THSD7B: variants seen among roughly 807,000 people sequenced by gnomAD.
The protein encoded by THSD7B is thrombospondin type-1 domain-containing protein 7B.
THSD7B carries 138 observed loss-of-function variants against 213.6 expected under a neutral mutation model. That is an observed-to-expected ratio of 0.65 (90% confidence interval 0.56 to 0.74). THSD7B has a LOEUF of 0.74. Ranked by LOEUF, THSD7B falls within the 30% of genes least tolerant of loss-of-function variation. The pLI, the probability that THSD7B is intolerant of heterozygous loss-of-function variation, is 0.00. For missense variants in THSD7B, 1,931 were observed against 1,991.5 expected (o/e 0.97, Z 0.58); for synonymous variants, 742 against 687.0 (o/e 1.08, Z -1.25).
rs1553468988 is a variant in THSD7B at position 137,675,445 on chromosome 2, T to TGC, written c.4740-1079_4740-1078insGC. ...ATATATATATATATATATATATATA[T>TGC]ATGCGGACAGTGTGGTGAAAAGGTT... On this transcript the variant is annotated intron_variant, in intron 27 of 27. Transcript: ENST00000409968. Among the ~76,000 whole-genome samples, 618 of 114,478 alleles carry TGC rather than the reference T, an allele frequency of 5.4e-3. 10 individuals are homozygous for TGC. The highest frequency in any genetic ancestry group is 0.021 in the African/African-American group (580 of 28,140). 75.1% of individuals were successfully genotyped at this position (114,478 alleles called of 152,430 possible).
chr2:137,630,944 T>C lies in THSD7B; in HGVS notation c.3799+10218T>C, dbSNP rs112675051. On this transcript the variant is annotated intron_variant, in intron 20 of 27. Coordinates refer to ENST00000409968, the MANE Select transcript of THSD7B (RefSeq NM_001316349.2). ...CTTTTTTTCTGCATTCGCTGAGTTA[T>C]TGGGCAAAACCTGGTGTGCTAGATG... Among the ~76,000 whole-genome samples, 1,131 of 152,302 alleles carry C rather than the reference T, an allele frequency of 7.4e-3. 11 individuals carry two copies. Among genetic ancestry groups the C allele is most frequent in the African/African-American group, 0.025 (1,055 of 41,550 alleles).
At chr2:137,432,539 T>G (rs1687209220) in intron 14 of THSD7B, among the ~76,000 whole-genome samples, 1 of 152,264 alleles carries the variant, frequency 6.6e-6, no homozygotes. Flanking sequence ...CTCATATGAC[T>G]GTTTCTAGCC....
chr2:137,151,921 T>C lies in THSD7B; in HGVS notation c.1370-8292T>C, dbSNP rs1268481530. Among the ~76,000 whole-genome samples the C allele has an allele frequency of 2.0e-5, 3 of 152,146 alleles. No homozygotes were observed. The East Asian group carries it at 5.8e-4, about 29-fold the overall frequency. On this transcript the variant is annotated intron_variant, in intron 5 of 27. Coordinates refer to ENST00000409968, the MANE Select transcript of THSD7B (RefSeq NM_001316349.2). ...CAGTCCTTGAGGTGAAGTGTCATTATGTGGCACATGACTGTGTTTGTAGCT... is the reference window on the plus strand; with the variant it reads ...CAGTCCTTGAGGTGAAGTGTCATTACGTGGCACATGACTGTGTTTGTAGCT...
intron 15 of THSD7B, among the ~76,000 whole-genome samples, chr2:137,518,951 G>A (rs369632975): frequency 3.3e-5 from 5 of 152,132 alleles, no homozygotes; most frequent in Admixed American, 1.3e-4. Context: ...TGTCCTCACT[G>A]GAAAAGGGGA....
At chr2:137,546,695 C>T (rs1055784406) in intron 15 of THSD7B, among the ~76,000 whole-genome samples, 4 of 148,912 alleles carry the variant, frequency 2.7e-5, no homozygotes, top group Non-Finnish European at 5.9e-5. Flanking sequence ...TGTACATACG[C>T]GTGTATTTAT....
Position 137,312,291 on chromosome 2 carries a change from C to T in THSD7B, c.2500+36265C>T, listed in dbSNP as rs1335123999. ...TCTTCTAGATTTTCTAGTTTATTTG[C>T]GTAGAGGTGTTTATAGTATTCTCTG... On this transcript the variant is annotated intron_variant, in intron 12 of 27. Transcript: ENST00000409968. 1.2e-4 allele frequency among the ~76,000 whole-genome samples: 18 copies of T among 152,132 alleles called. No homozygotes were observed. In the South Asian group the frequency reaches 1.2e-3, roughly 11 times the overall value.
At chr2:137,651,828 A>C (rs1031344382) in intron 21 of THSD7B, among the ~76,000 whole-genome samples, 28 of 151,978 alleles carry the variant, frequency 1.8e-4, no homozygotes, top group African/African-American at 5.8e-4. Context: ...ATTCAGGAGC[A>C]TGTTGTTTAA....
chr2:137,211,425 C>T (rs1264442835), intron 7 of THSD7B, among the ~76,000 whole-genome samples: 1 of 145,298 alleles, frequency 6.9e-6, no homozygotes, highest in Non-Finnish European at 1.5e-5. Flanking sequence ...AAGATTTTCT[C>T]AATAAAGCCA....
intron 1 of THSD7B, among the ~76,000 whole-genome samples, chr2:136,810,081 G>A (rs1388900861): frequency 1.3e-5 from 2 of 152,154 alleles, no homozygotes; most frequent in African/African-American, 4.8e-5. Context: ...TGGGTGAGAA[G>A]TGGTAGGAGA....
chr2:137,510,819 T>G (rs1055919471), intron 15 of THSD7B, among the ~76,000 whole-genome samples: 3 of 152,180 alleles, frequency 2.0e-5, no homozygotes, highest in Non-Finnish European at 4.4e-5. Context: ...TATTAGAAAT[T>G]AGACCGTCAT....
chr2:136,887,583 A>G (rs1683741179), intron 2 of THSD7B, among the ~76,000 whole-genome samples: 1 of 151,970 alleles, frequency 6.6e-6, no homozygotes, highest in Non-Finnish European at 1.5e-5. Flanking sequence ...CCTACCCCCC[A>G]TCTTGCTCCC....
At chr2:137,209,848 A>C (rs1681061533) in intron 7 of THSD7B, among the ~76,000 whole-genome samples, 1 of 152,112 alleles carries the variant, frequency 6.6e-6, no homozygotes, top group Admixed American at 6.6e-5. Context: ...CCAGTATCTC[A>C]GAAGATAACC....
intron 12 of THSD7B, among the ~76,000 whole-genome samples, chr2:137,394,549 G>A (rs1305343285): frequency 7.4e-6 from 1 of 135,744 alleles, no homozygotes; most frequent in East Asian, 2.1e-4. Context: ...GTACCATGCT[G>A]TTTTGGTTAC....
chr2:137,397,491 C>G (rs1574005066), intron 12 of THSD7B, among the ~76,000 whole-genome samples: 1 of 151,742 alleles, frequency 6.6e-6, no homozygotes, highest in African/African-American at 2.4e-5. Flanking sequence ...TGAATATTGG[C>G]CCCCACTCTC....
chr2:136,866,976 T>A (rs572239347), intron 1 of THSD7B, among the ~76,000 whole-genome samples: 3 of 152,172 alleles, frequency 2.0e-5, no homozygotes, highest in South Asian at 4.1e-4. Flanking sequence ...TATATCATAA[T>A]CTACTACTGG....
At chr2:136,868,751 A>G (rs956786049) in intron 1 of THSD7B, among the ~76,000 whole-genome samples, 6 of 152,090 alleles carry the variant, frequency 3.9e-5, no homozygotes, top group African/African-American at 1.4e-4. Flanking sequence ...CCTACATAAA[A>G]TCTCTCTTTC....
chr2:137,053,280 A>T (rs528338068), intron 2 of THSD7B, among the ~76,000 whole-genome samples: 33 of 152,292 alleles, frequency 2.2e-4, no homozygotes, highest in Non-Finnish European at 4.6e-4. Context: ...TTAATTTTGG[A>T]TTAACTCATA....
chr2:137,067,673 A>G (rs1179877904), intron 3 of THSD7B, among the ~76,000 whole-genome samples: 1 of 151,844 alleles, frequency 6.6e-6, no homozygotes, highest in African/African-American at 2.4e-5. Flanking sequence ...TTCACTCCCA[A>G]CTCAGGTAAG....
intron 3 of THSD7B, among the ~76,000 whole-genome samples, chr2:137,090,740 C>A (rs1188028674): frequency 6.6e-6 from 1 of 152,128 alleles, no homozygotes; most frequent in Non-Finnish European, 1.5e-5. Context: ...ATTTTCATTT[C>A]TGTGTGTGGA....
Sources: allele counts gnomAD v4.1 joint callset (sites outside exome capture counted in the v4.1 genomes callset), GRCh38; gene constraint gnomAD v4.1.1; transcripts MANE v1.5; gene names NCBI Gene and HGNC (gene_info 2026-07-23, HGNC 2026-07-21).